Variants in HDAC9 observed in about 807,000 individuals in gnomAD.
HDAC9 encodes histone deacetylase 9.
A neutral mutation model predicts 139.4 loss-of-function variants in HDAC9; 41 were observed. That is an observed-to-expected ratio of 0.29 (90% CI 0.23 to 0.38). The LOEUF (loss-of-function observed/expected upper bound fraction) is 0.38, where lower values mean the gene tolerates loss of function less well. Among genes scored for constraint, HDAC9 ranks in the 10% least tolerant of loss-of-function variants. HDAC9 has a pLI of 1.00. For missense variants in HDAC9, 1,147 were observed against 1,297.0 expected (o/e 0.88, Z 1.78); for synonymous variants, 517 against 476.2 (o/e 1.09, Z -1.12).
chr7:18,805,810 G>A (rs956376409), intron 17 of HDAC9, among the ~76,000 whole-genome samples: 1 of 152,184 alleles, frequency 6.6e-6, no homozygotes, highest in African/African-American at 2.4e-5. Flanking sequence ...AACTTGCATT[G>A]CTAATCCAGT....
intron 12 of HDAC9, among the ~76,000 whole-genome samples, chr7:18,719,310 T>C (rs1784946921): frequency 6.6e-6 from 1 of 150,822 alleles, no homozygotes; most frequent in Admixed American, 6.6e-5. Context: ...TGAAGCCTAA[T>C]TAACCTATTT....
In HDAC9 at chr7:18,356,358, G is replaced by GTTTTTTTTTT. The variant is rs5882659; in HGVS notation, c.-42+65861_-42+65870dup. 1.3e-3 allele frequency among the ~76,000 whole-genome samples: 73 copies of GTTTTTTTTTT among 55,162 alleles called. 13 individuals carry two copies. The highest frequency in any genetic ancestry group is 5.2e-3 in the East Asian group (9 of 1,728). 36.2% of individuals were successfully genotyped at this position (55,162 alleles called of 152,430 possible). ...GTAGCCTCTAGAGGGCAGCACATAG[G>GTTTTTTTTTT]TTTTTTTTTTTTTTTTTTTTTTTTT... On this transcript the variant is annotated intron_variant, in intron 1 of 3. Transcript: ENST00000413509.
intron 21 of HDAC9, among the ~76,000 whole-genome samples, chr7:18,870,386 T>G (rs1166427521): frequency 6.6e-6 from 1 of 152,186 alleles, no homozygotes; most frequent in Non-Finnish European, 1.5e-5. Flanking sequence ...TATTCCTCAA[T>G]TTAAATTTGT....
At chr7:18,359,260 A>G (rs534010766) in intron 1 of HDAC9, among the ~76,000 whole-genome samples, 118 of 152,246 alleles carry the variant, frequency 7.8e-4, no homozygotes, top group Non-Finnish European at 1.8e-4. Flanking sequence ...AGGCAGGAGA[A>G]TCACTTGAAC....
chr7:18,202,039 G>A (rs1285608123), intron 2 of HDAC9, among the ~76,000 whole-genome samples: 5 of 152,196 alleles, frequency 3.3e-5, no homozygotes, highest in African/African-American at 1.2e-4. Flanking sequence ...AGTTGGGAAA[G>A]ACTTTTACCT....
chr7:18,624,623 A>T (rs1425553614), intron 6 of HDAC9, among the ~76,000 whole-genome samples: 1 of 151,998 alleles, frequency 6.6e-6, no homozygotes, highest in Non-Finnish European at 1.5e-5. Flanking sequence ...GGCTCTGAGG[A>T]TTTGCATCCC....
chr7:18,221,106 C>CTTTTTTTTTTTTTTTTTTTT (rs537033538), intron 2 of HDAC9, among the ~76,000 whole-genome samples: 41 of 139,632 alleles, frequency 2.9e-4, no homozygotes, highest in African/African-American at 9.9e-4. Flanking sequence ...ATTTCTATTC[C>CTTTTTTTTTTTTTTTTTTTT]TTTTTTTTTT....
chr7:18,802,263 T>C (rs74322919), intron 17 of HDAC9, among the ~76,000 whole-genome samples: 2,292 of 152,084 alleles, frequency 0.015, 54 homozygotes, highest in African/African-American at 0.051. Context: ...ATCTCCTTTT[T>C]TGAGCCATTA....
chr7:18,517,198 C>T (rs991088839), intron 2 of HDAC9, among the ~76,000 whole-genome samples: 6 of 152,090 alleles, frequency 3.9e-5, no homozygotes, highest in African/African-American at 1.2e-4. Flanking sequence ...CAGTGCAGGG[C>T]GTCATGTGCT....
intron 2 of HDAC9, among the ~76,000 whole-genome samples, chr7:18,282,982 T>TTTTTTTTTTTTTTTTTTTTGAGA (rs1423919285): frequency 6.6e-6 from 1 of 150,622 alleles, no homozygotes; most frequent in Admixed American, 6.6e-5. Context: ...GAAATTTCTA[T>TTTTTTTTTTTTTTTTTTTTGAGA]CTCAATTTTG....
chr7:18,569,019 C>G (rs887432592), intron 2 of HDAC9, among the ~76,000 whole-genome samples: 3 of 152,124 alleles, frequency 2.0e-5, no homozygotes, highest in African/African-American at 7.2e-5. Context: ...TGCACTCCAG[C>G]CTGGGCAACA....
intron 16 of HDAC9, chr7:18,793,141 T>C: frequency 1.8e-6 from 1 of 558,858 alleles, no homozygotes; most frequent in Admixed American, 3.0e-5. Context: ...AGCAAAGCCA[T>C]GTCCAGAAGG....
chr7:18,476,043 T>C (rs181162421), intron 1 of HDAC9, among the ~76,000 whole-genome samples: 1 of 152,240 alleles, frequency 6.6e-6, no homozygotes, highest in African/African-American at 2.4e-5. Flanking sequence ...ATTGCATGTT[T>C]GGTCTCCATT....
At chr7:18,943,906 C>T (rs562453690) in intron 23 of HDAC9, among the ~76,000 whole-genome samples, 1 of 152,208 alleles carries the variant, frequency 6.6e-6, no homozygotes, top group African/African-American at 2.4e-5. Context: ...TGAATAATTT[C>T]AATAGTTTGT....
rs1248082469 is a variant in HDAC9 at position 18,999,462 on chromosome 7, TTTTTTA to T, written c.*3406_*3411del. 1.3e-5 allele frequency: 2 copies of T among 152,252 alleles called. No individual in the cohort carries two copies. Among genetic ancestry groups the T allele is most frequent in the Admixed American group, 6.5e-5 (1 of 15,280 alleles). The allele number at this position is 152,252 out of a possible 1,614,324, so 9.4% of individuals were successfully genotyped here. A position where few individuals can be genotyped will look rare whatever the true frequency, so the allele number is the denominator to read the frequency against. ...TCCTCTTCAATCAGCATTTTAAAACTTTTTTATTTTTGAGTCAGAGTTTTGCTCTTG... is the reference window on the plus strand; with the variant it reads ...TCCTCTTCAATCAGCATTTTAAAACTTTTTTGAGTCAGAGTTTTGCTCTTG... On this transcript the variant is annotated 3_prime_UTR_variant, in exon 26 of 26. Coordinates refer to ENST00000686413, the MANE Select transcript of HDAC9 (RefSeq NM_178425.4).
At chr7:18,186,848 A>G (rs1397678903) in intron 2 of HDAC9, among the ~76,000 whole-genome samples, 1 of 152,224 alleles carries the variant, frequency 6.6e-6, no homozygotes, top group East Asian at 1.9e-4. Context: ...ATAAAAGCAG[A>G]TTTTTATTTT....
At chr7:18,903,534 A>G (rs1421025899) in intron 22 of HDAC9, among the ~76,000 whole-genome samples, 2 of 152,108 alleles carry the variant, frequency 1.3e-5, no homozygotes, top group Non-Finnish European at 2.9e-5. Flanking sequence ...TTCTGTTTTT[A>G]GCTTCCTTAA....
intron 1 of HDAC9, among the ~76,000 whole-genome samples, chr7:18,149,942 C>A (rs1786644818): frequency 6.6e-6 from 1 of 152,116 alleles, no homozygotes; most frequent in Non-Finnish European, 1.5e-5. Context: ...AGTGATACTC[C>A]CGCCTCAGCC....
chr7:18,302,391 T>C (rs1466211126), intron 1 of HDAC9, among the ~76,000 whole-genome samples: 1 of 152,156 alleles, frequency 6.6e-6, no homozygotes, highest in African/African-American at 2.4e-5. Context: ...GAAGACATTG[T>C]TATTGTGTAT....
Sources: allele counts gnomAD v4.1 joint callset (sites outside exome capture counted in the v4.1 genomes callset), GRCh38; gene constraint gnomAD v4.1.1; transcripts MANE v1.5; gene names NCBI Gene and HGNC (gene_info 2026-07-23, HGNC 2026-07-21).